Variants in TSGA10 observed in about 807,000 individuals in gnomAD.
TSGA10 encodes testis-specific gene 10 protein.
TSGA10 carries 43 observed loss-of-function variants against 96.6 expected under a neutral mutation model. That is an observed-to-expected ratio of 0.44 (90% confidence interval 0.35 to 0.57). The LOEUF (loss-of-function observed/expected upper bound fraction) is 0.57, where lower values mean the gene tolerates loss of function less well. Among genes scored for constraint, TSGA10 ranks in the 20% least tolerant of loss-of-function variants. The pLI is 0.01. For synonymous variants in TSGA10, 229 were observed against 269.9 expected, an observed-to-expected ratio of 0.85 and a Z score of 1.48; for missense variants, 703 against 834.4, an observed-to-expected ratio of 0.84 and a Z score of 1.94.
chr2:99,071,938 C>G (rs1232268600), intron 13 of TSGA10, 64 bp from the exon 14 acceptor site: 1 of 1,425,906 alleles, frequency 7.0e-7, no homozygotes, highest in Non-Finnish European at 9.6e-7. Flanking sequence ...AACAAATTCT[C>G]ACAAGACAGA....
chr2:99,020,318 C>G lies in TSGA10; in HGVS notation c.1779G>C (p.Gln593His), dbSNP rs2079888402. The G allele has an allele frequency of 1.2e-6, 2 of 1,613,636 alleles. No homozygotes were observed. Among genetic ancestry groups the G allele is most frequent in the East Asian group, 2.2e-5 (1 of 44,826 alleles). ...CCAAACAAAGGTGTTCTTTAAGAAG[C>G]TGAATTTCAGATTCTTTTTCTTGAA... ...IALQEKESEIQLLKEHLCLAE... is the reference protein window; with the variant it reads ...IALQEKESEIHLLKEHLCLAE... Residue 593 changes from glutamine (Q) to histidine (H), a missense_variant, in exon 18 of 21, where the codon CAG becomes CAC. Physicochemically the swap from Gln to His is conservative, Grantham distance 24. Transcript: ENST00000393483.
At chr2:99,006,615 T>G (rs552006115) in intron 20 of TSGA10, among the ~76,000 whole-genome samples, 1,875 of 152,226 alleles carry the variant, frequency 0.012, 38 homozygotes, top group African/African-American at 0.043. Context: ...ACACCAGTTA[T>G]AATGGCGATC....
At chr2:99,103,350 G>T (rs2090988238) in intron 10 of TSGA10, among the ~76,000 whole-genome samples, 1 of 152,156 alleles carries the variant, frequency 6.6e-6, no homozygotes, top group African/African-American at 2.4e-5. Flanking sequence ...TAGAACCTCT[G>T]TTTCTCACAG....
At chr2:99,055,478 C>CAA (rs537574600) in intron 16 of TSGA10, among the ~76,000 whole-genome samples, 3 of 133,494 alleles carry the variant, frequency 2.2e-5, no homozygotes, top group African/African-American at 8.3e-5. Flanking sequence ...GTTCTCACCA[C>CAA]AAAAAAAAAA....
intron 16 of TSGA10, among the ~76,000 whole-genome samples, chr2:99,042,041 T>C (rs1050158175): frequency 0.42 from 55,127 of 132,494 alleles, 12,043 homozygotes; most frequent in African/African-American, 0.63. Flanking sequence ...CCCCCCCACA[T>C]TTTTTTTTTT....
intron 14 of TSGA10, among the ~76,000 whole-genome samples, chr2:99,070,082 G>A (rs545679650): frequency 2.0e-5 from 3 of 152,088 alleles, no homozygotes; most frequent in African/African-American, 4.8e-5. Context: ...TGACCATAAC[G>A]AAGAAAAAAC....
At chr2:99,098,438 CAAAA>C (rs59144676) in intron 10 of TSGA10, among the ~76,000 whole-genome samples, 2 of 92,628 alleles carry the variant, frequency 2.2e-5, no homozygotes, top group Non-Finnish European at 4.2e-5. Context: ...GACTCTGCCT[CAAAA>C]AAAAAAAAAA....
intron 4 of TSGA10, 26 bp downstream of exon 4, chr2:99,117,518 A>T: frequency 1.0e-6 from 1 of 966,126 alleles, no homozygotes; most frequent in Non-Finnish European, 1.2e-6. Context: ...TAAAATTAAA[A>T]TCCTTATCCG....
At chr2:99,146,608 G>A (rs1015222509) in intron 1 of TSGA10, among the ~76,000 whole-genome samples, 21 of 152,018 alleles carry the variant, frequency 1.4e-4, no homozygotes, top group Non-Finnish European at 2.6e-4. Context: ...TTCACATTTA[G>A]GTCTTTAATG....
At chr2:99,148,111 C>T (rs2093650637) in intron 1 of TSGA10, among the ~76,000 whole-genome samples, 1 of 152,148 alleles carries the variant, frequency 6.6e-6, no homozygotes, top group African/African-American at 2.4e-5. Flanking sequence ...CTCAGCCTCT[C>T]TGTGTCTTTC....
At chr2:99,071,665 T>A (rs779320078) in intron 14 of TSGA10, 41 bp downstream of exon 14, 3 of 1,503,122 alleles carry the variant, frequency 2.0e-6, no homozygotes. Flanking sequence ...GAAATTCATA[T>A]TTTTTTTTCT....
intron 16 of TSGA10, among the ~76,000 whole-genome samples, chr2:99,060,400 A>G (rs1462979282): frequency 6.6e-6 from 1 of 152,210 alleles, no homozygotes; most frequent in Non-Finnish European, 1.5e-5. Context: ...TAATACCTAT[A>G]CACTGAAAAG....
chr2:99,048,328 C>A (rs1480742366), intron 16 of TSGA10, among the ~76,000 whole-genome samples: 4 of 152,136 alleles, frequency 2.6e-5, no homozygotes, highest in Non-Finnish European at 5.9e-5. Flanking sequence ...AACTATACCA[C>A]AAGGCTACAG....
intron 17 of TSGA10, among the ~76,000 whole-genome samples, chr2:99,029,492 T>C (rs1452543757): frequency 6.6e-6 from 1 of 152,182 alleles, no homozygotes; most frequent in Non-Finnish European, 1.5e-5. Flanking sequence ...ACTATTTTTA[T>C]AGGAGAATGA....
intron 16 of TSGA10, among the ~76,000 whole-genome samples, chr2:99,049,583 G>A: frequency 6.6e-6 from 1 of 152,006 alleles, no homozygotes; most frequent in Non-Finnish European, 1.5e-5. Flanking sequence ...CCTGTCAGGG[G>A]GTGGGAGGCT....
At chr2:99,153,305 G>A (rs1012164501) in intron 1 of TSGA10, among the ~76,000 whole-genome samples, 1 of 152,220 alleles carries the variant, frequency 6.6e-6, no homozygotes, top group Non-Finnish European at 1.5e-5. Context: ...CAATGAATGG[G>A]AAGTGAGAAA....
chr2:99,107,362 C>T (rs2091443341), intron 7 of TSGA10, among the ~76,000 whole-genome samples: 1 of 151,754 alleles, frequency 6.6e-6, no homozygotes, highest in East Asian at 1.9e-4. Flanking sequence ...AATAAGAAGA[C>T]AGTATAGAAA....
At chr2:99,100,558 C>T (rs1453009325) in intron 10 of TSGA10, among the ~76,000 whole-genome samples, 2 of 152,060 alleles carry the variant, frequency 1.3e-5, no homozygotes, top group African/African-American at 2.4e-5. Context: ...CGGTGGCTCA[C>T]GCCTGTAATC....
chr2:99,055,970 G>A (rs1384277650), intron 16 of TSGA10, among the ~76,000 whole-genome samples: 1 of 152,038 alleles, frequency 6.6e-6, no homozygotes, highest in Non-Finnish European at 1.5e-5. Context: ...TTGGGAGGCT[G>A]AGGAGGGTGA....
Sources: gnomAD v4.1 joint callset for allele counts (sites outside exome capture counted in the v4.1 genomes callset) on GRCh38, gnomAD v4.1.1 for gene constraint, MANE v1.5 for transcripts, NCBI Gene and HGNC (gene_info 2026-07-23, HGNC 2026-07-21) for gene names.